The following ANKHD1 variants were observed in gnomAD, a reference collection of about 807,000 sequenced individuals.
ANKHD1 encodes ankyrin repeat and KH domain-containing protein 1.
In ANKHD1, 31 loss-of-function variants were observed where a neutral mutation model predicts 230.5. The observed-to-expected ratio is 0.13, with a 90% CI of 0.10 to 0.18. The LOEUF (loss-of-function observed/expected upper bound fraction) is 0.18, where lower values mean the gene tolerates loss of function less well. Among genes scored for constraint, ANKHD1 ranks in the 10% least tolerant of loss-of-function variants. ANKHD1 has a pLI of 1.00. For synonymous variants in ANKHD1, 1,074 were observed against 1,117.6 expected (o/e 0.96, Z 0.78); for missense variants, 2,256 against 3,071.3 (o/e 0.73, Z 6.27).
Position 140,509,822 on chromosome 5 carries a change from TTTCTA to T in ANKHD1, c.3941+13_3941+17del. On this transcript the variant is annotated intron_variant, in intron 21 of 33. Coordinates refer to ENST00000360839, the MANE Select transcript of ANKHD1 (RefSeq NM_017747.3). ...AACTCCTGATTCATAGGTGAGTACT[TTTCTA>T]TTATATGTAGAACTTCTCATGGTCA... 1 of 1,603,604 alleles carries T rather than the reference TTTCTA, an allele frequency of 6.2e-7. No homozygotes were observed. The highest frequency in any genetic ancestry group is 8.5e-7 in the Non-Finnish European group (1 of 1,177,926).
chr5:140,427,713 A>C (rs1581230824), intron 1 of ANKHD1, among the ~76,000 whole-genome samples: 2 of 126,438 alleles, frequency 1.6e-5, no homozygotes, highest in Admixed American at 1.5e-4. Context: ...ACTTCCCAGT[A>C]GGGGCGGCCG....
intron 14 of ANKHD1, among the ~76,000 whole-genome samples, chr5:140,487,922 T>TA (rs1198686046): frequency 1.3e-5 from 2 of 152,182 alleles, no homozygotes; most frequent in Admixed American, 6.5e-5. Flanking sequence ...GGTTGACTGT[T>TA]ATAGCAGCAA....
At chr5:140,499,735 A>G (rs1752193631) in intron 15 of ANKHD1, among the ~76,000 whole-genome samples, 2 of 152,182 alleles carry the variant, frequency 1.3e-5, no homozygotes, top group South Asian at 2.1e-4. Context: ...GAAAGTGAGC[A>G]TTGGGTTTTT....
intron 25 of ANKHD1, chr5:140,524,938 A>T: frequency 2.3e-5 from 4 of 172,334 alleles, no homozygotes; most frequent in South Asian, 9.4e-5. Context: ...GTCTCTACTT[A>T]AAAAAAAAAA....
At chr5:140,505,334 A>G in intron 17 of ANKHD1, 101 bp downstream of exon 17, 1 of 1,281,158 alleles carries the variant, frequency 7.8e-7, no homozygotes, top group South Asian at 1.4e-5. Flanking sequence ...CAGTGATAAG[A>G]TGGATAAGTA....
At chr5:140,440,517 G>T (rs1160277757) in intron 4 of ANKHD1, among the ~76,000 whole-genome samples, 3 of 152,094 alleles carry the variant, frequency 2.0e-5, no homozygotes. Context: ...GAAACAAATA[G>T]ATATAATAAT....
intron 10 of ANKHD1, among the ~76,000 whole-genome samples, chr5:140,478,062 C>T (rs76137784): frequency 0.021 from 3,184 of 152,014 alleles, 115 homozygotes; most frequent in African/African-American, 0.073. Context: ...TGTATATCAA[C>T]ATATTAAAGA....
intron 1 of ANKHD1, among the ~76,000 whole-genome samples, chr5:140,427,328 C>A (rs1171912842): frequency 2.2e-5 from 3 of 137,616 alleles, no homozygotes; most frequent in Non-Finnish European, 1.6e-5. Context: ...GGGGGCCGAC[C>A]CCCCCACCTC....
rs149040695 is a variant in ANKHD1 at position 140,496,794 on chromosome 5, A to G, written c.2520A>G (p.Lys840=). 3.0e-5 allele frequency: 49 copies of G among 1,613,958 alleles called. No individual in the cohort carries two copies. Among genetic ancestry groups the G allele is most frequent in the Middle Eastern group, 3.3e-4 (2 of 6,084 alleles). Residue 840 remains lysine (K), a synonymous_variant, in exon 15 of 34, where the codon AAA becomes AAG. Transcript: ENST00000360839. ...AGAAAATATTGAAAGAACTGCAGAA[A>G]GTGGAAAGGCAGTTGCAGATGAAAA... ...KKKKILKELQ[K]VERQLQMKTQ...
chr5:140,449,372 A>G, intron 7 of ANKHD1, 67 bp downstream of exon 7: 1 of 1,537,634 alleles, frequency 6.5e-7, no homozygotes, highest in South Asian at 1.2e-5. Context: ...TAAGCCTTTA[A>G]GAGTGATTAA....
Position 140,527,824 on chromosome 5 carries a change from TAAAG to T in ANKHD1, c.5088-47_5088-44del. Reference sequence around the variant, plus strand: ...ATACTTACTAAGACATCTTTCTTAATAAAGAGACATTTAATTTCATAAGCTCATG... The same window carrying T: ...ATACTTACTAAGACATCTTTCTTAATAGACATTTAATTTCATAAGCTCATG... On this transcript the variant is annotated intron_variant, in intron 27 of 33. Transcript: ENST00000360839. This position sits in a 1 kb window ranked among gnomAD's most constrained non-coding sequence, Gnocchi z 4.5. 2 of 1,557,598 alleles carry T rather than the reference TAAAG, an allele frequency of 1.3e-6. No individual in the cohort carries two copies. Among genetic ancestry groups the T allele is most frequent in the Non-Finnish European group, 1.7e-6 (2 of 1,150,980 alleles).
At chr5:140,537,692 T>TCCTATGTTTAACA in intron 31 of ANKHD1, 103 bp downstream of exon 31, 1 of 1,430,034 alleles carries the variant, frequency 7.0e-7, no homozygotes, top group African/African-American at 1.4e-5. Context: ...AAAACTTAGT[T>TCCTATGTTTAACA]CCTATGTTTA....
At chr5:140,499,346 A>G (rs1370557932) in intron 15 of ANKHD1, among the ~76,000 whole-genome samples, 1 of 152,098 alleles carries the variant, frequency 6.6e-6, no homozygotes, top group African/African-American at 2.4e-5. Flanking sequence ...ACATATTGGT[A>G]AGATTATAGA....
At position 140,482,681 on chromosome 5, in the gene ANKHD1, A is replaced by T; in HGVS notation, c.1870+14A>T. ...TTATTAGCAAAGGTAAAGAAAGGGC[A>T]AGTGATCATTTCCAAGAGGCTACAG... is the stretch of plus-strand genomic sequence containing the variant. On this transcript the variant is annotated intron_variant, in intron 11 of 33. Coordinates refer to ENST00000360839, the MANE Select transcript of ANKHD1 (RefSeq NM_017747.3). 6.2e-7 allele frequency: 1 copy of T among 1,609,812 alleles called. No individual in the cohort carries two copies. The highest frequency in any genetic ancestry group is 8.5e-7 in the Non-Finnish European group (1 of 1,178,770).
At chr5:140,419,139 CTTT>C (rs369298829) in intron 1 of ANKHD1, among the ~76,000 whole-genome samples, 2 of 145,534 alleles carry the variant, frequency 1.4e-5, no homozygotes. Context: ...TCTTTTCTCT[CTTT>C]TTTTTTTTTA....
At chr5:140,514,382 A>G (rs1030983756) in intron 24 of ANKHD1, among the ~76,000 whole-genome samples, 2 of 151,002 alleles carry the variant, frequency 1.3e-5, no homozygotes, top group African/African-American at 4.9e-5. Flanking sequence ...TAGTCCCAGC[A>G]ACTTGGGAGG....
At chr5:140,419,007 A>T (rs1270543684) in intron 1 of ANKHD1, among the ~76,000 whole-genome samples, 1 of 152,228 alleles carries the variant, frequency 6.6e-6, no homozygotes, top group Non-Finnish European at 1.5e-5. Flanking sequence ...CTGGAGTTAT[A>T]GGCATGAGCC....
intron 9 of ANKHD1, among the ~76,000 whole-genome samples, chr5:140,460,748 T>G (rs897387424): frequency 6.6e-6 from 1 of 152,164 alleles, no homozygotes; most frequent in Admixed American, 6.5e-5. Flanking sequence ...CTCAAACTCC[T>G]GGGCTCAAGC....
intron 23 of ANKHD1, 65 bp downstream of exon 23, chr5:140,512,988 G>T: frequency 7.0e-7 from 1 of 1,428,772 alleles, no homozygotes; most frequent in Non-Finnish European, 9.5e-7. Context: ...AAAGTGTGCA[G>T]TTAGGAACTT....
Sources: allele counts gnomAD v4.1 joint callset (sites outside exome capture counted in the v4.1 genomes callset), GRCh38; gene constraint gnomAD v4.1.1; non-coding constraint Gnocchi (gnomAD v3.1); transcripts MANE v1.5; gene names NCBI Gene and HGNC (gene_info 2026-07-23, HGNC 2026-07-21).